SNX4: variants seen among roughly 807,000 people sequenced by gnomAD.
SNX4 encodes the protein sorting nexin-4.
In SNX4, 49 loss-of-function variants were observed where a neutral mutation model predicts 70.8. The ratio of observed to expected loss-of-function variants is 0.69; its 90% CI spans 0.55 to 0.88. The LOEUF is 0.88. SNX4 is among the 40% of genes least tolerant of loss of function. The probability of loss-of-function intolerance (pLI) is 0.00; values close to 1 mark genes in which losing one functional copy is unlikely to be tolerated. For missense variants in SNX4, 528 were observed against 544.8 expected (o/e 0.97, Z 0.31); for synonymous variants, 206 against 183.8 (o/e 1.12, Z -0.98).
chr3:125,504,743 A>G lies in SNX4; in HGVS notation c.143T>C (p.Met48Thr). ...AGEESSGVDT[M>T]THNNFWLKKI... ...CTTCAACCAAAAATTATTGTGTGTC[A>G]TCTGGACAAAAGTAAATAAAACAAC... Residue 48 changes from methionine (M) to threonine (T), a missense_variant and splice_region_variant, in exon 2 of 14, where the codon ATG becomes ACG. Met to Thr is a moderately conservative substitution (Grantham distance 81). Transcript: ENST00000251775. 5 of 1,612,814 alleles carry G rather than the reference A, an allele frequency of 3.1e-6. No individual in the cohort carries two copies. The highest frequency in any genetic ancestry group is 4.2e-6 in the Non-Finnish European group (5 of 1,179,448).
chr3:125,455,058 G>A (rs1579972090), intron 11 of SNX4, among the ~76,000 whole-genome samples: 1 of 151,790 alleles, frequency 6.6e-6, no homozygotes, highest in Non-Finnish European at 1.5e-5. Context: ...CCTCCCAAGT[G>A]GCTGGGACCA....
intron 8 of SNX4, among the ~76,000 whole-genome samples, chr3:125,472,302 T>G (rs1273630159): frequency 6.6e-6 from 1 of 152,160 alleles, no homozygotes; most frequent in African/African-American, 2.4e-5. Context: ...CCCCAACTTT[T>G]GAATTTTTTC....
At chr3:125,485,049 G>T (rs970048648) in intron 6 of SNX4, among the ~76,000 whole-genome samples, 1 of 151,712 alleles carries the variant, frequency 6.6e-6, no homozygotes, top group African/African-American at 2.4e-5. Flanking sequence ...CTTGGCGAGA[G>T]TGAGACTCCA....
At chr3:125,470,863 G>A (rs1313079136) in intron 8 of SNX4, among the ~76,000 whole-genome samples, 1 of 152,044 alleles carries the variant, frequency 6.6e-6, no homozygotes, top group African/African-American at 2.4e-5. Flanking sequence ...CTAAAAAAAG[G>A]TTTGAAAATC....
chr3:125,458,770 A>G (rs1208349045), intron 10 of SNX4, among the ~76,000 whole-genome samples: 3 of 141,348 alleles, frequency 2.1e-5, no homozygotes, highest in Admixed American at 1.5e-4. Context: ...AGCCGAGATC[A>G]CGCCACTGCA....
At chr3:125,498,308 A>G (rs1219910270) in intron 2 of SNX4, 114 bp from the exon 3 acceptor site, 6 of 1,016,654 alleles carry the variant, frequency 5.9e-6, no homozygotes. Context: ...GGCACTAAGT[A>G]AAGAACTTTT....
intron 1 of SNX4, among the ~76,000 whole-genome samples, chr3:125,508,153 C>T (rs749145108): frequency 3.3e-5 from 5 of 152,130 alleles, no homozygotes; most frequent in Non-Finnish European, 4.4e-5. Flanking sequence ...TCTATATATT[C>T]GATGCAAACC....
At chr3:125,502,825 G>A (rs1934959924) in intron 2 of SNX4, among the ~76,000 whole-genome samples, 1 of 134,944 alleles carries the variant, frequency 7.4e-6, no homozygotes, top group African/African-American at 2.9e-5. Flanking sequence ...CCGCACTCTA[G>A]CCTGGGTGAC....
intron 1 of SNX4, among the ~76,000 whole-genome samples, chr3:125,514,837 C>T (rs1367123046): frequency 6.6e-6 from 1 of 152,162 alleles, no homozygotes; most frequent in Non-Finnish European, 1.5e-5. Context: ...GCACAGGTCA[C>T]CACACTAGGC....
At chr3:125,505,508 C>T (rs1444833418) in intron 1 of SNX4, among the ~76,000 whole-genome samples, 6 of 152,194 alleles carry the variant, frequency 3.9e-5, no homozygotes, top group Non-Finnish European at 8.8e-5. Flanking sequence ...ATTTCAGCTA[C>T]CTATCCCTTA....
intron 1 of SNX4, among the ~76,000 whole-genome samples, chr3:125,512,890 G>A (rs941988507): frequency 2.0e-5 from 3 of 151,834 alleles, no homozygotes; most frequent in Admixed American, 6.6e-5. Flanking sequence ...AGCCACCCAA[G>A]TAGCTGGGAT....
At chr3:125,463,042 T>A (rs1933923816) in intron 9 of SNX4, among the ~76,000 whole-genome samples, 2 of 152,342 alleles carry the variant, frequency 1.3e-5, no homozygotes, top group South Asian at 4.1e-4. Context: ...ACAACAGGTA[T>A]CCTTCTTTCA....
intron 5 of SNX4, among the ~76,000 whole-genome samples, chr3:125,494,909 A>T (rs1934748393): frequency 6.6e-6 from 1 of 152,148 alleles, no homozygotes. Context: ...TGTGTGACTC[A>T]CATACCACTG....
intron 1 of SNX4, among the ~76,000 whole-genome samples, chr3:125,511,748 G>T (rs1935178445): frequency 1.3e-5 from 2 of 151,802 alleles, no homozygotes; most frequent in African/African-American, 4.8e-5. Context: ...TTAAAATATT[G>T]TACTGTATTA....
intron 13 of SNX4, among the ~76,000 whole-genome samples, chr3:125,448,169 G>C (rs1933475900): frequency 6.7e-6 from 1 of 149,876 alleles, no homozygotes; most frequent in African/African-American, 2.5e-5. Context: ...GTCTCACTCT[G>C]TTACCCAGGC....
Position 125,447,761 on chromosome 3 carries a change from G to T in SNX4, c.*18C>A. 6.3e-7 allele frequency: 1 copy of T among 1,575,896 alleles called. No homozygotes were observed. Among genetic ancestry groups the T allele is most frequent in the Non-Finnish European group, 8.6e-7 (1 of 1,159,130 alleles). ...TGTTTTGGGGCACTTTGATTGAAGAGAAATTCAATTCACAGGATTACATCT... is the reference window on the plus strand; with the variant it reads ...TGTTTTGGGGCACTTTGATTGAAGATAAATTCAATTCACAGGATTACATCT... On this transcript the variant is annotated 3_prime_UTR_variant, in exon 14 of 14. Coordinates refer to ENST00000251775, the MANE Select transcript of SNX4 (RefSeq NM_003794.4).
At chr3:125,490,350 G>T (rs149636387) in intron 5 of SNX4, among the ~76,000 whole-genome samples, 169 of 151,294 alleles carry the variant, frequency 1.1e-3, no homozygotes, top group African/African-American at 3.9e-3. Flanking sequence ...GTGAAACGCT[G>T]TCTCTACTAA....
intron 1 of SNX4, among the ~76,000 whole-genome samples, chr3:125,514,973 T>C (rs1935243308): frequency 1.4e-5 from 2 of 138,462 alleles, no homozygotes; most frequent in Non-Finnish European, 3.1e-5. Flanking sequence ...CCAATGCTTC[T>C]TTTTAATTTA....
chr3:125,483,780 T>C (rs909736397), intron 6 of SNX4, among the ~76,000 whole-genome samples: 9 of 152,038 alleles, frequency 5.9e-5, no homozygotes, highest in African/African-American at 2.2e-4. Flanking sequence ...GACCTAAAGG[T>C]GAAGAGTGAA....
Sources: allele counts gnomAD v4.1 joint callset (sites outside exome capture counted in the v4.1 genomes callset), GRCh38; gene constraint gnomAD v4.1.1; transcripts MANE v1.5; gene names NCBI Gene and HGNC (gene_info 2026-07-23, HGNC 2026-07-21).